The following RETREG2 variants were observed in gnomAD, a reference collection of about 807,000 sequenced individuals.
RETREG2 encodes the protein reticulophagy regulator 2.
In RETREG2, 21 loss-of-function variants were observed where a neutral mutation model predicts 51.6. The observed-to-expected ratio is 0.41, with a 90% CI of 0.29 to 0.59. The LOEUF is 0.59. Among genes scored for constraint, RETREG2 ranks in the 20% least tolerant of loss-of-function variants. The pLI, the probability that RETREG2 is intolerant of heterozygous loss-of-function variation, is 0.34. For missense variants in RETREG2, 674 were observed against 646.0 expected (o/e 1.04, Z -0.47); for synonymous variants, 339 against 288.6 (o/e 1.17, Z -1.77).
chr2:219,185,108 T>A lies in RETREG2; in HGVS notation c.*2479T>A, dbSNP rs1308653399. The A allele has an allele frequency of 6.6e-6, 1 of 152,100 alleles. No individual in the cohort carries two copies. Among genetic ancestry groups the A allele is most frequent in the African/African-American group, 2.4e-5 (1 of 41,418 alleles). The allele number at this position is 152,100 out of a possible 1,614,324, so 9.4% of individuals were successfully genotyped here. ...TCCCAAAGTGCTGGGATTACAGGTGTGAGCCACGGCGCCCAGCCTCATGAG... is the reference window on the plus strand; with the variant it reads ...TCCCAAAGTGCTGGGATTACAGGTGAGAGCCACGGCGCCCAGCCTCATGAG... On this transcript the variant is annotated 3_prime_UTR_variant, in exon 9 of 9. Coordinates refer to ENST00000430297, the MANE Select transcript of RETREG2 (RefSeq NM_024293.6).
In RETREG2 at chr2:219,181,195, C is replaced by T. The variant is rs752874791; in HGVS notation, c.774C>T (p.His258=). The T allele has an allele frequency of 2.4e-5, 38 of 1,613,894 alleles. No homozygotes were observed. The highest frequency in any genetic ancestry group is 1.6e-4 in the Middle Eastern group (1 of 6,070). Residue 258 remains histidine (H), a synonymous_variant, in exon 6 of 9, where the codon CAC becomes CAT. Transcript: ENST00000430297. ...KAEANALHHK[H]DKRKRQGKNA... ...AAGCCAATGCCCTGCATCACAAACACGACAAGAGGAGTAAGGGGCTGCCCT... is the reference window on the plus strand; with the variant it reads ...AAGCCAATGCCCTGCATCACAAACATGACAAGAGGAGTAAGGGGCTGCCCT...
chr2:219,181,795 G>A lies in RETREG2; in HGVS notation c.1015+20G>A, dbSNP rs755826025. 4 of 1,604,814 alleles carry A rather than the reference G, an allele frequency of 2.5e-6. No individual in the cohort carries two copies. The highest frequency in any genetic ancestry group is 8.5e-7 in the Non-Finnish European group (1 of 1,174,338). On this transcript the variant is annotated intron_variant, in intron 8 of 8. Transcript: ENST00000430297. Reference sequence around the variant, plus strand: ...CCGAGGGTATGGGGAGCCCTTTGCTGCCCTGCTCCCCGCCACAATCTTTGT... The same window carrying A: ...CCGAGGGTATGGGGAGCCCTTTGCTACCCTGCTCCCCGCCACAATCTTTGT...
At position 219,179,044 on chromosome 2, in the gene RETREG2, T is replaced by A; in HGVS notation, c.388+16T>A. The A allele has an allele frequency of 1.3e-6, 2 of 1,572,450 alleles. No individual in the cohort carries two copies. Among genetic ancestry groups the A allele is most frequent in the Non-Finnish European group, 1.8e-6 (2 of 1,142,484 alleles). ...GACGTTTCAGGTGAGTGTTTCTTCA[T>A]TCAGTAAGCACCCATTGGGTACTTG... On this transcript the variant is annotated intron_variant, in intron 2 of 8. Transcript: ENST00000430297.
intron 1 of RETREG2, 121 bp from the exon 2 acceptor site, chr2:219,178,801 T>C: frequency 8.8e-7 from 1 of 1,132,496 alleles, no homozygotes; most frequent in Non-Finnish European, 1.3e-6. Context: ...CTCTGAGTCG[T>C]GAGTCGCGAG....
intron 2 of RETREG2, among the ~76,000 whole-genome samples, chr2:219,179,328 A>G (rs988082253): frequency 3.3e-5 from 5 of 152,204 alleles, no homozygotes; most frequent in African/African-American, 1.2e-4. Flanking sequence ...TGTTTGTCTC[A>G]ATTTCCTTAT....
In RETREG2 at chr2:219,182,101, C is replaced by G; in HGVS notation, c.1104C>G (p.Pro368=). The G allele has an allele frequency of 6.2e-7, 1 of 1,614,132 alleles. No individual in the cohort carries two copies. Among genetic ancestry groups the G allele is most frequent in the Non-Finnish European group, 8.5e-7 (1 of 1,180,018 alleles). Residue 368 remains proline, a synonymous_variant, in exon 9 of 9, where the codon CCC becomes CCG. Transcript: ENST00000430297. ...GEGEEGELAP[P]EDLLGRPQAL... ...GAGAGGAGGGAGAGCTGGCCCCTCC[C>G]GAAGACCTACTAGGCCGTCCTCAAG...
chr2:219,180,023 A>G (rs2106396962), intron 3 of RETREG2, 87 bp from the exon 4 acceptor site: 2 of 1,538,898 alleles, frequency 1.3e-6, no homozygotes, highest in Non-Finnish European at 1.8e-6. Flanking sequence ...TTTTTAGACT[A>G]AAGATATCTT....
chr2:219,180,948 C>G, intron 5 of RETREG2, 114 bp from the exon 6 acceptor site: 2 of 1,481,726 alleles, frequency 1.3e-6, no homozygotes, highest in South Asian at 1.2e-5. Context: ...GAGGTTGGCA[C>G]AGCCTTGGGA....
chr2:219,180,071 G>C (rs757031777), intron 3 of RETREG2, 39 bp from the exon 4 acceptor site: 1 of 1,611,106 alleles, frequency 6.2e-7, no homozygotes, highest in South Asian at 1.1e-5. Flanking sequence ...TAGGAAGCTG[G>C]TATCTGAGGC....
At chr2:219,181,018 G>A in intron 5 of RETREG2, 44 bp from the exon 6 acceptor site, 1 of 1,607,492 alleles carries the variant, frequency 6.2e-7, no homozygotes, top group South Asian at 1.1e-5. Context: ...GGGCTCTTAG[G>A]AAATTGGCGT....
Position 219,180,746 on chromosome 2 carries a change from A to G in RETREG2, c.632A>G (p.Tyr211Cys). 3.1e-6 allele frequency: 5 copies of G among 1,614,014 alleles called. No individual in the cohort carries two copies. Among genetic ancestry groups the G allele is most frequent in the Non-Finnish European group, 4.2e-6 (5 of 1,179,974 alleles). ...TATGTTCCAGGGATTATGATTTCCT[A>G]CATTGTCTGTGAGTAGGGTCTGTCC... ...GHYVPGIMIS[Y>C]IVLLSILLWP... The change falls in exon 5 of 9, where the codon TAC becomes TGC. Residue 211 changes from tyrosine to cysteine, a missense_variant. Tyr to Cys is a radical substitution (Grantham distance 194). Transcript: ENST00000430297.
In RETREG2 at chr2:219,182,528, C is replaced by A; in HGVS notation, c.1531C>A (p.Pro511Thr). 6.2e-7 allele frequency: 1 copy of A among 1,614,150 alleles called. No homozygotes were observed. The highest frequency in any genetic ancestry group is 8.5e-7 in the Non-Finnish European group (1 of 1,180,018). The part of the protein sequence containing the change: ...EQLNAELGLE[P>T]ETPPKPPDAP... ...GCTGAATGCAGAGCTGGGCTTGGAG[C>A]CAGAGACACCGCCAAAACCCCCTGA... The change falls in exon 9 of 9, where the codon CCA (proline) becomes ACA (threonine). Residue 511 changes from proline (P) to threonine (T), a missense_variant. Pro to Thr is a conservative substitution (Grantham distance 38). Coordinates refer to ENST00000430297, the MANE Select transcript of RETREG2 (RefSeq NM_024293.6).
chr2:219,182,420 C>T lies in RETREG2; in HGVS notation c.1423C>T (p.Pro475Ser), dbSNP rs1282618758. 6.2e-7 allele frequency: 1 copy of T among 1,613,990 alleles called. No homozygotes were observed. The highest frequency in any genetic ancestry group is 2.2e-5 in the East Asian group (1 of 44,870). ...TCTCCCACCTGTTCCCCAGGACTCACCCCAGCCCCTGCCTGCCCCTGAGGA... is the reference window on the plus strand; with the variant it reads ...TCTCCCACCTGTTCCCCAGGACTCATCCCAGCCCCTGCCTGCCCCTGAGGA... ...SILPPVPQDS[P>S]QPLPAPEEEE... Residue 475 changes from proline (P) to serine (S), a missense_variant, in exon 9 of 9, where the codon CCC (proline) becomes TCC (serine). Transcript: ENST00000430297.
At position 219,178,667 on chromosome 2, in the gene RETREG2, T is replaced by A. The variant is rs1462468032; in HGVS notation, c.281+34T>A. The A allele has an allele frequency of 2.8e-6, 4 of 1,419,534 alleles. No homozygotes were observed. In the South Asian group the frequency reaches 5.9e-5, roughly 21 times the overall value. The allele number at this position is 1,419,534 out of a possible 1,614,324, so 87.9% of individuals were successfully genotyped here. On this transcript the variant is annotated intron_variant, in intron 1 of 8. Transcript: ENST00000430297. The stretch of plus-strand genomic sequence containing the variant: ...CGCGGAGGAGGGGGCGGGGCCGGGA[T>A]GAGCGGGGGAGGGAGGGGTCGAGAG...
rs762181258 is a variant in RETREG2, at chr2:219,179,769, T to C, written c.419+6T>C. 6.2e-7 allele frequency: 1 copy of C among 1,613,590 alleles called. No individual in the cohort carries two copies. Among genetic ancestry groups the C allele is most frequent in the Non-Finnish European group, 8.5e-7 (1 of 1,179,692 alleles). On this transcript the variant is annotated splice_donor_region_variant and intron_variant, in intron 3 of 8. Coordinates refer to ENST00000430297, the MANE Select transcript of RETREG2 (RefSeq NM_024293.6). ...GAGGAGCCACACTCTGACAGGTGAG[T>C]ACAGGCCACCTCTTGAAGACAAATG...
chr2:219,181,021 A>G, intron 5 of RETREG2, 41 bp from the exon 6 acceptor site: 1 of 1,607,478 alleles, frequency 6.2e-7, no homozygotes, highest in Non-Finnish European at 8.5e-7. Flanking sequence ...CTCTTAGGAA[A>G]TTGGCGTAGG....
intron 5 of RETREG2, 127 bp downstream of exon 5, chr2:219,180,881 A>T: frequency 7.5e-7 from 1 of 1,339,990 alleles, no homozygotes; most frequent in Non-Finnish European, 1.1e-6. Context: ...GGGATGCTTT[A>T]GTATTAGTAA....
At chr2:219,180,001 G>C (rs1950254173) in intron 3 of RETREG2, 109 bp from the exon 4 acceptor site, 2 of 1,426,860 alleles carry the variant, frequency 1.4e-6, no homozygotes, top group Admixed American at 3.7e-5. Flanking sequence ...TTGAGAGGTG[G>C]GGTCATTTGC....
Position 219,180,127 on chromosome 2 carries a change from G to T in RETREG2, c.437G>T (p.Gly146Val). ...PHSDSEGAGS[G>V]ARPHLLSVPE... ...CTCCCCAGTGAGGGTGCGGGGTCAG[G>T]CGCCCGGCCGCACCTGCTGAGTGTG... is the stretch of plus-strand genomic sequence containing the variant. The change falls in exon 4 of 9, where the codon GGC (glycine) becomes GTC (valine). Residue 146 changes from glycine to valine, a missense_variant. Physicochemically the swap from Gly to Val is moderately radical, Grantham distance 109 (BLOSUM62 -3). Transcript: ENST00000430297. The T allele has an allele frequency of 6.2e-7, 1 of 1,614,062 alleles. No homozygotes were observed. The highest frequency in any genetic ancestry group is 8.5e-7 in the Non-Finnish European group (1 of 1,180,012).
Sources: allele counts gnomAD v4.1 joint callset (sites outside exome capture counted in the v4.1 genomes callset), GRCh38; gene constraint gnomAD v4.1.1; transcripts MANE v1.5; gene names NCBI Gene and HGNC (gene_info 2026-07-23, HGNC 2026-07-21).